The following AGAP1 variants were observed in gnomAD, a reference collection of about 807,000 sequenced individuals.
AGAP1 encodes ArfGAP with GTPase domain, ankyrin repeat and PH domain 1, also known as arf-GAP with GTPase, ANK repeat and PH domain-containing protein 1.
A neutral mutation model predicts 105.3 loss-of-function variants in AGAP1; 29 were observed. The ratio of observed to expected loss-of-function variants is 0.28; its 90% CI spans 0.21 to 0.38. The LOEUF (loss-of-function observed/expected upper bound fraction) is 0.38, where lower values mean the gene tolerates loss of function less well. Ranked by LOEUF, AGAP1 falls within the 10% of genes least tolerant of loss-of-function variation. AGAP1 has a pLI of 1.00. For synonymous variants in AGAP1, 509 were observed against 485.9 expected (o/e 1.05, Z -0.63); for missense variants, 998 against 1,165.1 (o/e 0.86, Z 2.09).
intron 12 of AGAP1, among the ~76,000 whole-genome samples, chr2:235,944,538 GGAAACTCAACTTCAAACCA>G (rs1343730206): frequency 1.3e-5 from 2 of 152,140 alleles, no homozygotes; most frequent in African/African-American, 4.8e-5. Context: ...TTCCAAGTTG[GGAAACTCAACTTCAAACCA>G]GCTGTTGACC....
chr2:235,509,859 A>G (rs966229350), intron 1 of AGAP1, among the ~76,000 whole-genome samples: 1 of 152,136 alleles, frequency 6.6e-6, no homozygotes, highest in Non-Finnish European at 1.5e-5. Context: ...CGGGCCAGCA[A>G]GTGAAGCTTC....
chr2:235,597,527 A>C (rs1317566804), intron 1 of AGAP1, among the ~76,000 whole-genome samples: 4 of 152,182 alleles, frequency 2.6e-5, no homozygotes, highest in Non-Finnish European at 1.5e-5. Context: ...AGCTGTAAAT[A>C]ACTGTCCAGA....
In AGAP1 at chr2:235,964,952, G is replaced by C. The variant is rs550789239; in HGVS notation, c.1484-3510G>C. On this transcript the variant is annotated intron_variant, in intron 12 of 17. Coordinates refer to ENST00000304032, the MANE Select transcript of AGAP1 (RefSeq NM_001037131.3). This position sits in a 1 kb window ranked among gnomAD's most constrained non-coding sequence, Gnocchi z 4.6. ...CAGGCTGAGCTCGAGGTCCCAGGCT[G>C]CTCAAGGCAAGGGAAGTGTCTTATT... Among the ~76,000 whole-genome samples the C allele has an allele frequency of 1.3e-5, 2 of 152,308 alleles. No individual in the cohort carries two copies. The highest frequency in any genetic ancestry group is 6.5e-5 in the Admixed American group (1 of 15,304).
At position 235,906,627 on chromosome 2, in the gene AGAP1, G is replaced by C. The variant is rs553966761; in HGVS notation, c.1156-2111G>C. Among the ~76,000 whole-genome samples, 1 of 151,642 alleles carries C rather than the reference G, an allele frequency of 6.6e-6. No homozygotes were observed. The highest frequency in any genetic ancestry group is 2.4e-5 in the African/African-American group (1 of 40,952). On this transcript the variant is annotated intron_variant, in intron 10 of 17. Coordinates refer to ENST00000304032, the MANE Select transcript of AGAP1 (RefSeq NM_001037131.3). This position sits in a 1 kb window ranked among gnomAD's most constrained non-coding sequence, Gnocchi z 5.3. ...CTGGTTTGACTCCATGTGGCAGCCT[G>C]TAAGTCATGTTGGTTGCGGGAAGGT... is the stretch of plus-strand genomic sequence containing the variant.
In AGAP1 at chr2:235,992,191, G is replaced by A. The variant is rs1251628247; in HGVS notation, c.1645+23568G>A. Among the ~76,000 whole-genome samples the A allele has an allele frequency of 6.6e-6, 1 of 152,126 alleles. No homozygotes were observed. The highest frequency in any genetic ancestry group is 2.4e-5 in the African/African-American group (1 of 41,434). On this transcript the variant is annotated intron_variant, in intron 13 of 17. Coordinates refer to ENST00000304032, the MANE Select transcript of AGAP1 (RefSeq NM_001037131.3). This position sits in a 1 kb window ranked among gnomAD's most constrained non-coding sequence, Gnocchi z 4.8. ...TCCGAGTTGCGTGGTTAGGAGCGCA[G>A]CGGAGGAGCCGGTCTTCCTGGGTCC...
chr2:235,737,874 G>A lies in AGAP1; in HGVS notation c.311-3089G>A, dbSNP rs1333063080. On this transcript the variant is annotated intron_variant, in intron 3 of 17. Transcript: ENST00000304032. This position sits in a 1 kb window ranked among gnomAD's most constrained non-coding sequence, Gnocchi z 4.5. ...GTGAGGAATGGGACCTGGGGCCAGC[G>A]TGCTTGGACAAGACGAAGCCTCATC... is the stretch of plus-strand genomic sequence containing the variant. Among the ~76,000 whole-genome samples, 3 of 151,928 alleles carry A rather than the reference G, an allele frequency of 2.0e-5. No homozygotes were observed. The highest frequency in any genetic ancestry group is 7.3e-5 in the African/African-American group (3 of 41,374).
chr2:235,985,860 T>G (rs1037991557), intron 13 of AGAP1, among the ~76,000 whole-genome samples: 2 of 152,226 alleles, frequency 1.3e-5, no homozygotes, highest in African/African-American at 4.8e-5. Context: ...CCATGCTGTT[T>G]TGGTTACTGT....
intron 1 of AGAP1, among the ~76,000 whole-genome samples, chr2:235,674,939 G>C (rs1223193496): frequency 6.6e-6 from 1 of 151,122 alleles, no homozygotes; most frequent in South Asian, 2.1e-4. Flanking sequence ...CACCCCCCTC[G>C]GTCTGGGATT....
Position 235,990,225 on chromosome 2 carries a change from A to G in AGAP1, c.1645+21602A>G, listed in dbSNP as rs563378735. On this transcript the variant is annotated intron_variant, in intron 13 of 17. Coordinates refer to ENST00000304032, the MANE Select transcript of AGAP1 (RefSeq NM_001037131.3). Reference sequence around the variant, plus strand: ...GTCAAAGTTACTATTTGAGCTGTAGATGCTGTTTTCAAAACAGATCATCCT... The same window carrying G: ...GTCAAAGTTACTATTTGAGCTGTAGGTGCTGTTTTCAAAACAGATCATCCT... Among the ~76,000 whole-genome samples the G allele has an allele frequency of 2.6e-5, 4 of 152,338 alleles. No homozygotes were observed. The South Asian group carries it at 8.3e-4, about 32-fold the overall frequency.
At chr2:235,634,770 A>G (rs998356307) in intron 1 of AGAP1, among the ~76,000 whole-genome samples, 1 of 152,070 alleles carries the variant, frequency 6.6e-6, no homozygotes, top group African/African-American at 2.4e-5. Flanking sequence ...TTTTATTTTG[A>G]TCAAAATAAA....
chr2:235,654,918 C>T (rs1042417463), intron 1 of AGAP1, among the ~76,000 whole-genome samples: 1 of 152,174 alleles, frequency 6.6e-6, no homozygotes, highest in African/African-American at 2.4e-5. Flanking sequence ...AGTATGTTTT[C>T]AATCCCTGTG....
rs749576640 is a variant in AGAP1, at chr2:236,029,183, GT to G, written c.1646-7366del. Among the ~76,000 whole-genome samples the G allele has an allele frequency of 1.0e-3, 144 of 144,346 alleles. 1 individual carries two copies. The highest frequency in any genetic ancestry group is 3.0e-3 in the East Asian group (15 of 4,936). The allele number at this position is 144,346 out of a possible 152,430, so 94.7% of individuals were successfully genotyped here. A position where few individuals can be genotyped will look rare whatever the true frequency, so the allele number is the denominator to read the frequency against. Reference sequence around the variant, plus strand: ...TCATAGTCGGTATTGTTTTTATTTAGTTTTTTTTTTTTGTTTACATATTTAT... The same window carrying G: ...TCATAGTCGGTATTGTTTTTATTTAGTTTTTTTTTTTGTTTACATATTTAT... On this transcript the variant is annotated intron_variant, in intron 13 of 17. Transcript: ENST00000304032.
intron 13 of AGAP1, among the ~76,000 whole-genome samples, chr2:235,984,677 C>T (rs528307942): frequency 6.6e-6 from 1 of 152,130 alleles, no homozygotes; most frequent in South Asian, 2.1e-4. Context: ...TGTTCAATTC[C>T]CACTTATGAG....
chr2:235,844,823 G>A (rs1961286478), intron 9 of AGAP1, among the ~76,000 whole-genome samples: 1 of 152,110 alleles, frequency 6.6e-6, no homozygotes, highest in African/African-American at 2.4e-5. Flanking sequence ...AAGTCTTCCT[G>A]GCTTTCCTCT....
rs1466473902 is a variant in AGAP1, at chr2:235,928,643, G to A, written c.1325-2122G>A. Among the ~76,000 whole-genome samples the A allele has an allele frequency of 2.0e-5, 3 of 152,210 alleles. No individual in the cohort carries two copies. In the South Asian group the frequency reaches 6.2e-4, roughly 32 times the overall value. ...AAGGGATGTAGCAGGAACATGGTGG[G>A]CACGGGCTCCAGGAGGGGGTCCCGA... is the stretch of plus-strand genomic sequence containing the variant. On this transcript the variant is annotated intron_variant, in intron 11 of 17. Coordinates refer to ENST00000304032, the MANE Select transcript of AGAP1 (RefSeq NM_001037131.3).
chr2:235,781,644 G>A (rs935047847), intron 6 of AGAP1, among the ~76,000 whole-genome samples: 2 of 152,082 alleles, frequency 1.3e-5, no homozygotes, highest in Non-Finnish European at 2.9e-5. Context: ...TCACAGTCTC[G>A]GAGGCACCTA....
Position 235,720,632 on chromosome 2 carries a change from T to C in AGAP1, c.310+2988T>C, listed in dbSNP as rs186266950. 3.6e-3 allele frequency: 3,569 copies of C among 980,892 alleles called. 131 individuals carry two copies. The South Asian group carries it at 0.098, about 27-fold the overall frequency. The allele number at this position is 980,892 out of a possible 1,614,324, so 60.8% of individuals were successfully genotyped here. On this transcript the variant is annotated intron_variant, in intron 3 of 17. Coordinates refer to ENST00000304032, the MANE Select transcript of AGAP1 (RefSeq NM_001037131.3). This position sits in a 1 kb window ranked among gnomAD's most constrained non-coding sequence, Gnocchi z 5.0. ...ACTTTGAATGAAAGGCATTTTGCTG[T>C]GTATCTGCCTGTCCAGATAGTTCCT...
At chr2:236,060,100 A>G (rs1311635648) in intron 16 of AGAP1, among the ~76,000 whole-genome samples, 1 of 152,184 alleles carries the variant, frequency 6.6e-6, no homozygotes, top group Non-Finnish European at 1.5e-5. Flanking sequence ...CAAAACACAC[A>G]CACACACACA....
chr2:235,804,108 T>C (rs1957718656), intron 8 of AGAP1, among the ~76,000 whole-genome samples: 1 of 152,188 alleles, frequency 6.6e-6, no homozygotes, highest in African/African-American at 2.4e-5. Context: ...AAGTAAAAGT[T>C]GCAGCTCCTT....
Sources: gnomAD v4.1 joint callset for allele counts (sites outside exome capture counted in the v4.1 genomes callset) on GRCh38, gnomAD v4.1.1 for gene constraint, Gnocchi (gnomAD v3.1) non-coding constraint, MANE v1.5 for transcripts, NCBI Gene and HGNC (gene_info 2026-07-23, HGNC 2026-07-21) for gene names.